GARRE1: variants seen among roughly 807,000 people sequenced by gnomAD.
GARRE1 encodes granule associated Rac and RHOG effector protein 1.
A neutral mutation model predicts 103.2 loss-of-function variants in GARRE1; 49 were observed. That is an observed-to-expected ratio of 0.47 (90% CI 0.38 to 0.60). The LOEUF (loss-of-function observed/expected upper bound fraction) is 0.60, where lower values mean the gene tolerates loss of function less well. Ranked by LOEUF, GARRE1 falls within the 20% of genes least tolerant of loss-of-function variation. GARRE1 has a pLI of 0.00. For synonymous variants in GARRE1, 505 were observed against 532.8 expected, an observed-to-expected ratio of 0.95 and a Z score of 0.72; for missense variants, 1,199 against 1,370.5, an observed-to-expected ratio of 0.87 and a Z score of 1.98.
chr19:34,312,436 A>G (rs71351760), intron 2 of GARRE1, among the ~76,000 whole-genome samples: 17,031 of 152,122 alleles, frequency 0.11, 1,114 homozygotes, highest in East Asian at 0.2. Context: ...GTACCTGCTC[A>G]ACAATAACTC....
chr19:34,300,680 CACT>C lies in GARRE1; in HGVS notation c.211_213del (p.Thr71del). On this transcript the variant is annotated inframe_deletion, in exon 2 of 14. Coordinates refer to ENST00000299505, the MANE Select transcript of GARRE1 (RefSeq NM_014686.5). Reference sequence around the variant, plus strand: ...GCAGCTGCCACCATGCCATGCCCCACACTACTCCTATCGCCGACATCCAGCAGG... The same window carrying C: ...GCAGCTGCCACCATGCCATGCCCCACACTCCTATCGCCGACATCCAGCAGG... 6.2e-7 allele frequency: 1 copy of C among 1,614,098 alleles called. No individual in the cohort carries two copies. The highest frequency in any genetic ancestry group is 8.5e-7 in the Non-Finnish European group (1 of 1,180,022).
At chr19:34,272,170 C>T (rs186124756) in intron 1 of GARRE1, among the ~76,000 whole-genome samples, 2 of 152,242 alleles carry the variant, frequency 1.3e-5, no homozygotes, top group Admixed American at 1.3e-4. Context: ...TTTGACCAAG[C>T]AAGGCAGTAA....
intron 1 of GARRE1, among the ~76,000 whole-genome samples, chr19:34,260,275 T>C (rs1240212958): frequency 3.3e-5 from 5 of 152,364 alleles, no homozygotes; most frequent in Non-Finnish European, 5.9e-5. Context: ...AATTAAGGTA[T>C]GTGCATTGTT....
chr19:34,302,083 C>T (rs377500137), intron 2 of GARRE1, among the ~76,000 whole-genome samples: 3 of 146,518 alleles, frequency 2.0e-5, no homozygotes, highest in East Asian at 2.0e-4. Context: ...CTCCACCTCC[C>T]GAGTTCAAGT....
At chr19:34,302,264 T>C (rs1443071181) in intron 2 of GARRE1, among the ~76,000 whole-genome samples, 1 of 150,426 alleles carries the variant, frequency 6.6e-6, no homozygotes, top group African/African-American at 2.4e-5. Context: ...AGTGCTGGGA[T>C]TACAGGCAGG....
At chr19:34,281,479 C>T (rs984035000) in intron 1 of GARRE1, among the ~76,000 whole-genome samples, 26 of 152,154 alleles carry the variant, frequency 1.7e-4, no homozygotes, top group Admixed American at 9.8e-4. Context: ...TTAGTAGAGA[C>T]GTGGTTTCAC....
In GARRE1 at chr19:34,286,205, G is replaced by A. The variant is rs137891417; in HGVS notation, c.-795-13474G>A. On this transcript the variant is annotated intron_variant, in intron 1 of 13. Transcript: ENST00000299505. ...AAAAAACTTATTTATCACTTTGGAA[G>A]GGAGGTGCCTTTCTGTATTATTATT... Among the ~76,000 whole-genome samples the A allele has an allele frequency of 6.5e-3, 889 of 137,606 alleles. 3 individuals carry two copies. The highest frequency in any genetic ancestry group is 6.9e-3 in the Non-Finnish European group (422 of 60,732). The allele number at this position is 137,606 out of a possible 152,430, so 90.3% of individuals were successfully genotyped here. A position where few individuals can be genotyped will look rare whatever the true frequency, so the allele number is the denominator to read the frequency against.
At chr19:34,287,848 T>G (rs1178415009) in intron 1 of GARRE1, among the ~76,000 whole-genome samples, 4 of 152,184 alleles carry the variant, frequency 2.6e-5, no homozygotes, top group Non-Finnish European at 4.4e-5. Context: ...CCTCATGACC[T>G]AAATACCTTC....
At chr19:34,278,444 CAAA>C (rs71165640) in intron 1 of GARRE1, among the ~76,000 whole-genome samples, 839 of 57,096 alleles carry the variant, frequency 0.015, 9 homozygotes, top group African/African-American at 0.052. Flanking sequence ...GACTCCATCT[CAAA>C]AAAAAAAAAA....
chr19:34,320,700 ATTCT>A (rs948741521), intron 3 of GARRE1, among the ~76,000 whole-genome samples: 2 of 151,574 alleles, frequency 1.3e-5, no homozygotes, highest in African/African-American at 4.8e-5. Context: ...AACTTTTTAA[ATTCT>A]TTAAGTTTTT....
intron 3 of GARRE1, among the ~76,000 whole-genome samples, chr19:34,326,689 CTT>C (rs879388936): frequency 6.9e-6 from 1 of 144,526 alleles, no homozygotes. Context: ...TATGTTCTTC[CTT>C]TTTTTTTTTA....
chr19:34,330,831 C>T lies in GARRE1; in HGVS notation c.1263+484C>T, dbSNP rs2074134344. On this transcript the variant is annotated intron_variant, in intron 7 of 13. Coordinates refer to ENST00000299505, the MANE Select transcript of GARRE1 (RefSeq NM_014686.5). ...CAATCTCAACTCGCCGCCTTCTGGG[C>T]TCAAGTGATTCTCCTGCCTCAGCCT... Among the ~76,000 whole-genome samples, 3 of 149,450 alleles carry T rather than the reference C, an allele frequency of 2.0e-5. 1 individual carries two copies. The highest frequency in any genetic ancestry group is 1.4e-4 in the Admixed American group (2 of 14,772).
At chr19:34,328,392 G>A (rs1416234737) in intron 6 of GARRE1, among the ~76,000 whole-genome samples, 1 of 151,700 alleles carries the variant, frequency 6.6e-6, no homozygotes, top group East Asian at 2.0e-4. Flanking sequence ...AGCCGGGTAC[G>A]GTGGCACGCA....
chr19:34,349,081 C>T lies in GARRE1; in HGVS notation c.2753C>T (p.Ser918Phe). The T allele has an allele frequency of 6.2e-7, 1 of 1,612,820 alleles. No individual in the cohort carries two copies. Among genetic ancestry groups the T allele is most frequent in the East Asian group, 2.2e-5 (1 of 44,854 alleles). The change falls in exon 12 of 14, where the codon TCC (serine) becomes TTC (phenylalanine). Residue 918 changes from serine (S) to phenylalanine (F), a missense_variant. Physicochemically the swap from Ser to Phe is radical, Grantham distance 155. Transcript: ENST00000299505. The part of the protein sequence containing the change: ...GDSASSSDET[S>F]SANGDSLFSM... ...TCTGCCAGCTCGAGTGATGAGACATCCTCAGCCAACGGGGACAGCTTGTTC... is the reference window on the plus strand; with the variant it reads ...TCTGCCAGCTCGAGTGATGAGACATTCTCAGCCAACGGGGACAGCTTGTTC...
chr19:34,261,178 G>T (rs1173097214), intron 1 of GARRE1, among the ~76,000 whole-genome samples: 1 of 152,242 alleles, frequency 6.6e-6, no homozygotes, highest in Non-Finnish European at 1.5e-5. Context: ...AATGTGAGTG[G>T]TTGAGGGCTC....
rs1006490484 is a variant in GARRE1, at chr19:34,353,068, G to A, written c.*113G>A. On this transcript the variant is annotated 3_prime_UTR_variant, in exon 14 of 14. Transcript: ENST00000299505. ...CACCAGCCCCTCAGAGGACCAGTGC[G>A]CCCCATCCCAGGGAGGGTTCCTTGG... 2.0e-5 allele frequency: 20 copies of A among 1,018,518 alleles called. No individual in the cohort carries two copies. Among genetic ancestry groups the A allele is most frequent in the South Asian group, 3.4e-5 (2 of 59,080 alleles). 63.1% of individuals were successfully genotyped at this position (1,018,518 alleles called of 1,614,324 possible). A position where few individuals can be genotyped will look rare whatever the true frequency, so the allele number is the denominator to read the frequency against.
intron 1 of GARRE1, among the ~76,000 whole-genome samples, chr19:34,266,807 TA>T (rs1444152998): frequency 9.4e-6 from 1 of 106,422 alleles, no homozygotes; most frequent in African/African-American, 2.8e-5. Flanking sequence ...AAAATTTATA[TA>T]ATCCTTCTCC....
intron 4 of GARRE1, 23 bp downstream of exon 4, chr19:34,327,584 A>G: frequency 6.2e-7 from 1 of 1,611,144 alleles, no homozygotes; most frequent in Non-Finnish European, 8.5e-7. Context: ...GAACTGACAT[A>G]CTGATTTCCA....
At chr19:34,282,681 T>C (rs1453168133) in intron 1 of GARRE1, among the ~76,000 whole-genome samples, 2 of 152,314 alleles carry the variant, frequency 1.3e-5, no homozygotes, top group East Asian at 3.9e-4. Flanking sequence ...CCCTCTGTTT[T>C]TCAATAGTCC....
Sources: gnomAD v4.1 joint callset for allele counts (sites outside exome capture counted in the v4.1 genomes callset) on GRCh38, gnomAD v4.1.1 for gene constraint, MANE v1.5 for transcripts, NCBI Gene and HGNC (gene_info 2026-07-23, HGNC 2026-07-21) for gene names.